POTEC: variants seen among roughly 807,000 people sequenced by gnomAD.
POTEC encodes the protein ANKRD26-like family B member 2.
In POTEC, 35 loss-of-function variants were observed where a neutral mutation model predicts 62.0. That is an observed-to-expected ratio of 0.56 (90% CI 0.43 to 0.75). The LOEUF (loss-of-function observed/expected upper bound fraction) is 0.75. Among genes scored for constraint, POTEC ranks in the 30% least tolerant of loss-of-function variants. The pLI is 0.00. For synonymous variants in POTEC, 156 were observed against 221.5 expected, an observed-to-expected ratio of 0.70 and a Z score of 2.62; for missense variants, 472 against 655.9, an observed-to-expected ratio of 0.72 and a Z score of 3.06.
chr18:14,535,526 T>C (rs1288867194), intron 3 of POTEC, among the ~76,000 whole-genome samples: 1 of 151,966 alleles, frequency 6.6e-6, no homozygotes, highest in Non-Finnish European at 1.5e-5. Context: ...TTAAAATCTA[T>C]TTGTATTTAA....
In POTEC at chr18:14,507,447, CTTTAT is replaced by C. The variant is rs1435676192; in HGVS notation, c.*4446_*4450del. ...TTCCTTGAAATATTTTTCTCCATTC[CTTTAT>C]TTTGAGCCTATGTATGGCACTGCAT... On this transcript the variant is annotated 3_prime_UTR_variant, in exon 11 of 11. Coordinates refer to ENST00000358970, the MANE Select transcript of POTEC (RefSeq NM_001137671.2). 1 of 151,214 alleles carries C rather than the reference CTTTAT, an allele frequency of 6.6e-6. No individual in the cohort carries two copies. Among genetic ancestry groups the C allele is most frequent in the Non-Finnish European group, 1.5e-5 (1 of 67,854 alleles). 9.4% of individuals were successfully genotyped at this position (151,214 alleles called of 1,614,324 possible).
intron 9 of POTEC, among the ~76,000 whole-genome samples, chr18:14,514,590 T>C (rs2143109538): frequency 6.6e-6 from 1 of 152,354 alleles, no homozygotes; most frequent in Non-Finnish European, 1.5e-5. Context: ...AACATAGAAC[T>C]TTGAATTCAT....
chr18:14,528,800 T>C, intron 6 of POTEC: 1 of 375,332 alleles, frequency 2.7e-6, no homozygotes, highest in South Asian at 2.0e-5. Context: ...TTCTATAGTA[T>C]TTAAAAAGTC....
intron 1 of POTEC, among the ~76,000 whole-genome samples, chr18:14,541,679 G>A (rs1458132133): frequency 6.6e-6 from 1 of 151,984 alleles, no homozygotes; most frequent in South Asian, 2.1e-4. Context: ...ATAGGCATTT[G>A]TGTTTTCTTC....
intron 9 of POTEC, among the ~76,000 whole-genome samples, chr18:14,518,460 A>AGGTTT (rs1910223425): frequency 6.6e-6 from 1 of 151,800 alleles, no homozygotes; most frequent in Non-Finnish European, 1.5e-5. Flanking sequence ...AGAAATGATG[A>AGGTTT]CATAAGGTTA....
intron 5 of POTEC, among the ~76,000 whole-genome samples, chr18:14,532,525 G>C (rs1008657718): frequency 6.6e-6 from 1 of 152,168 alleles, no homozygotes; most frequent in Non-Finnish European, 1.5e-5. Context: ...AGCAGAACCA[G>C]TTTGAGTGGC....
intron 6 of POTEC, among the ~76,000 whole-genome samples, chr18:14,527,601 T>C (rs2143139860): frequency 6.6e-6 from 1 of 152,066 alleles, no homozygotes; most frequent in Middle Eastern, 3.4e-3. Flanking sequence ...CCCCCAAACC[T>C]TTCTCATTCA....
At chr18:14,516,393 A>T (rs1469620590) in intron 9 of POTEC, among the ~76,000 whole-genome samples, 1 of 114,256 alleles carries the variant, frequency 8.8e-6, no homozygotes, top group Non-Finnish European at 1.7e-5. Context: ...ATTCACAGTT[A>T]CACATGGCTG....
intron 9 of POTEC, among the ~76,000 whole-genome samples, chr18:14,519,273 C>A (rs1196425839): frequency 6.6e-6 from 1 of 152,106 alleles, no homozygotes. Flanking sequence ...ACATCAGTAG[C>A]CCAATTTTGG....
chr18:14,507,905 C>G lies in POTEC; in HGVS notation c.*3993G>C, dbSNP rs1298989016. On this transcript the variant is annotated 3_prime_UTR_variant, in exon 11 of 11. Transcript: ENST00000358970. ...TTCTTTGAAATGTTGAATGTCTTTT[C>G]TGGCTTGTACAGTTTCAGTTGAGAG... The G allele has an allele frequency of 6.6e-6, 1 of 152,168 alleles. No individual in the cohort carries two copies. The highest frequency in any genetic ancestry group is 1.5e-5 in the Non-Finnish European group (1 of 68,052). 9.4% of individuals were successfully genotyped at this position (152,168 alleles called of 1,614,324 possible).
chr18:14,515,289 T>C (rs1156852988), intron 9 of POTEC, among the ~76,000 whole-genome samples: 3 of 152,172 alleles, frequency 2.0e-5, no homozygotes, highest in Non-Finnish European at 4.4e-5. Flanking sequence ...TCACATTACC[T>C]GACTTCAAAT....
At chr18:14,538,351 C>T in intron 1 of POTEC, 102 bp from the exon 2 acceptor site, 1 of 647,064 alleles carries the variant, frequency 1.5e-6, no homozygotes, top group Non-Finnish European at 2.7e-6. Context: ...ACTCTGCCTT[C>T]AAAACAAACT....
intron 8 of POTEC, among the ~76,000 whole-genome samples, chr18:14,522,737 A>G (rs1195216957): frequency 1.3e-5 from 2 of 151,844 alleles, no homozygotes; most frequent in East Asian, 3.9e-4. Context: ...AGAATCTTAT[A>G]TATGAATTTA....
intron 9 of POTEC, among the ~76,000 whole-genome samples, chr18:14,517,476 C>A (rs1483497240): frequency 1.3e-5 from 2 of 152,114 alleles, no homozygotes; most frequent in Non-Finnish European, 2.9e-5. Context: ...CCAACTCTGT[C>A]TCTTTATTTC....
At chr18:14,515,908 A>G (rs1013853900) in intron 9 of POTEC, among the ~76,000 whole-genome samples, 6 of 152,026 alleles carry the variant, frequency 3.9e-5, no homozygotes, top group South Asian at 2.1e-4. Flanking sequence ...CAAATGGTGA[A>G]CAAGAATATA....
chr18:14,513,438 T>C (rs1481274855), intron 10 of POTEC, among the ~76,000 whole-genome samples: 1 of 152,136 alleles, frequency 6.6e-6, no homozygotes, highest in Non-Finnish European at 1.5e-5. Flanking sequence ...TACTCGACTG[T>C]TGCAGGCAAA....
At chr18:14,540,277 T>C (rs1905887756) in intron 1 of POTEC, among the ~76,000 whole-genome samples, 1 of 152,188 alleles carries the variant, frequency 6.6e-6, no homozygotes. Flanking sequence ...TGAGAAATTA[T>C]TTGTATCTAT....
intron 9 of POTEC, among the ~76,000 whole-genome samples, chr18:14,518,925 G>T (rs1481131527): frequency 6.6e-6 from 1 of 152,100 alleles, no homozygotes; most frequent in Admixed American, 6.5e-5. Flanking sequence ...AAGGGCTGGG[G>T]CAGAGGAATG....
At chr18:14,517,838 G>T (rs1044924829) in intron 9 of POTEC, among the ~76,000 whole-genome samples, 5 of 152,078 alleles carry the variant, frequency 3.3e-5, no homozygotes, top group African/African-American at 1.2e-4. Flanking sequence ...TCCAGCCTGG[G>T]GGATACAGCG....
Sources: gnomAD v4.1 joint callset for allele counts (sites outside exome capture counted in the v4.1 genomes callset) on GRCh38, gnomAD v4.1.1 for gene constraint, MANE v1.5 for transcripts, NCBI Gene and HGNC (gene_info 2026-07-23, HGNC 2026-07-21) for gene names.